Variants in MYO16 observed in about 807,000 individuals in gnomAD.
MYO16 encodes myosin XVI.
MYO16 carries 94 observed loss-of-function variants against 205.3 expected under a neutral mutation model. The observed-to-expected ratio is 0.46, with a 90% CI of 0.39 to 0.54. MYO16 has a LOEUF of 0.54. MYO16 is among the 20% of genes least tolerant of loss of function. The pLI, the probability that MYO16 is intolerant of heterozygous loss-of-function variation, is 0.00. For synonymous variants in MYO16, 988 were observed against 954.0 expected, an observed-to-expected ratio of 1.04 and a Z score of -0.66; for missense variants, 2,315 against 2,387.5, an observed-to-expected ratio of 0.97 and a Z score of 0.63.
intron 4 of MYO16, among the ~76,000 whole-genome samples, chr13:108,736,864 G>T (rs549271440): frequency 2.0e-5 from 3 of 152,308 alleles, no homozygotes; most frequent in East Asian, 1.9e-4. Context: ...CACATCCCTT[G>T]TAAGTTGGAT....
At chr13:108,585,217 T>G in the MYO16 span, among the ~76,000 whole-genome samples, 2 of 152,192 alleles carry the variant, frequency 1.3e-5, no homozygotes, top group South Asian at 4.1e-4. Flanking sequence ...CCAAGGTGGC[T>G]GGGGTACAGC....
At chr13:108,720,235 A>G (rs1375256654) in intron 3 of MYO16, among the ~76,000 whole-genome samples, 3 of 152,232 alleles carry the variant, frequency 2.0e-5, no homozygotes, top group Non-Finnish European at 2.9e-5. Flanking sequence ...ATGGTGGCAG[A>G]GAAGTGGACG....
intron 5 of MYO16, among the ~76,000 whole-genome samples, chr13:108,786,721 G>A (rs1566328331): frequency 1.3e-5 from 2 of 152,188 alleles, no homozygotes; most frequent in Non-Finnish European, 2.9e-5. Context: ...TGAAAGCAAG[G>A]TAGGTGTGGT....
the MYO16 span, among the ~76,000 whole-genome samples, chr13:108,534,152 T>C: frequency 6.6e-6 from 1 of 152,222 alleles, no homozygotes; most frequent in Admixed American, 6.5e-5. Flanking sequence ...TAATTGTACT[T>C]GTGTCTAAAA....
intron 8 of MYO16, among the ~76,000 whole-genome samples, chr13:108,822,105 C>A (rs552514069): frequency 1.3e-5 from 2 of 151,932 alleles, no homozygotes; most frequent in Admixed American, 1.3e-4. Flanking sequence ...TATAACTGAG[C>A]AAATGAAAGT....
chr13:108,840,681 G>A (rs530166178), intron 9 of MYO16, among the ~76,000 whole-genome samples: 1 of 152,218 alleles, frequency 6.6e-6, no homozygotes, highest in South Asian at 2.1e-4. Context: ...GGGACTACAG[G>A]CATGCACCAC....
rs542938282 is a variant in MYO16 at position 108,931,399 on chromosome 13, TCTC to T, written c.1925+21260_1925+21262del. On this transcript the variant is annotated intron_variant, in intron 16 of 34. Coordinates refer to ENST00000457511, the MANE Select transcript of MYO16 (RefSeq NM_001198950.3). ...GGTATACTCTTTCTTTTGCTTGGAT[TCTC>T]CTCCTCCTCCAAGAAAACATTCTCA... Among the ~76,000 whole-genome samples the T allele has an allele frequency of 1.2e-4, 19 of 152,294 alleles. No homozygotes were observed. The South Asian group carries it at 3.3e-3, about 27-fold the overall frequency.
chr13:108,550,088 C>T, the MYO16 span, among the ~76,000 whole-genome samples: 1 of 152,232 alleles, frequency 6.6e-6, no homozygotes, highest in East Asian at 1.9e-4. Context: ...GACCCGTGGC[C>T]TGGATTGCAG....
intron 5 of MYO16, among the ~76,000 whole-genome samples, chr13:108,790,583 G>C (rs1398625150): frequency 6.6e-6 from 1 of 152,064 alleles, no homozygotes; most frequent in Non-Finnish European, 1.5e-5. Flanking sequence ...TATCCATCTT[G>C]GTTGGTTTTA....
the MYO16 span, among the ~76,000 whole-genome samples, chr13:108,590,281 G>T: frequency 6.6e-6 from 1 of 152,156 alleles, no homozygotes; most frequent in Non-Finnish European, 1.5e-5. Flanking sequence ...CTCAAACCTT[G>T]GTATGCACTA....
At chr13:108,624,781 C>CTGTGTGTGTG (rs767842855), upstream of MYO16, among the ~76,000 whole-genome samples, 228 of 121,640 alleles carry the variant, frequency 1.9e-3, no homozygotes, top group Middle Eastern at 9.7e-3. Flanking sequence ...CCCATATAGC[C>CTGTGTGTGTG]TGAGTGTGTG....
chr13:109,039,250 C>T (rs1262252218), intron 23 of MYO16, among the ~76,000 whole-genome samples: 1 of 152,186 alleles, frequency 6.6e-6, no homozygotes, highest in Non-Finnish European at 1.5e-5. Flanking sequence ...GAAAGTGATG[C>T]TGGAAACTTC....
In MYO16 at chr13:109,176,577, TAAAAAA is replaced by T. The variant is rs36054088; in HGVS notation, c.5324-2946_5324-2941del. 8.0e-4 allele frequency among the ~76,000 whole-genome samples: 36 copies of T among 44,950 alleles called. 1 individual carries two copies. In the South Asian group the frequency reaches 9.7e-3, roughly 12 times the overall value. 29.5% of individuals were successfully genotyped at this position (44,950 alleles called of 152,430 possible). ...GCAGCTAAATAAAATATTGTGCTGG[TAAAAAA>T]AAAAAAAAAAAAAAAAAAGACCTCC... On this transcript the variant is annotated intron_variant, in intron 33 of 34. Coordinates refer to ENST00000457511, the MANE Select transcript of MYO16 (RefSeq NM_001198950.3).
intron 20 of MYO16, among the ~76,000 whole-genome samples, chr13:108,984,319 C>T (rs961868745): frequency 9.2e-5 from 14 of 152,138 alleles, no homozygotes; most frequent in African/African-American, 3.1e-4. Context: ...TAGCTTGCCT[C>T]TCCCAGTGCA....
chr13:108,922,065 C>T (rs144520812), intron 16 of MYO16, among the ~76,000 whole-genome samples: 13 of 152,328 alleles, frequency 8.5e-5, no homozygotes, highest in Non-Finnish European at 1.8e-4. Flanking sequence ...TTGCTCCTAG[C>T]GTACGTCTCT....
At chr13:108,621,775 CAAG>C (rs1339840170) in intron 1 of MYO16, among the ~76,000 whole-genome samples, 3 of 152,094 alleles carry the variant, frequency 2.0e-5, no homozygotes, top group East Asian at 3.9e-4. Flanking sequence ...CACATCATCA[CAAG>C]AAGAAGAGTG....
chr13:109,078,697 A>G (rs751573808), intron 27 of MYO16, among the ~76,000 whole-genome samples: 18 of 152,180 alleles, frequency 1.2e-4, no homozygotes, highest in Non-Finnish European at 1.9e-4. Context: ...AGTCCCTTGG[A>G]AACAGTTTAT....
chr13:108,861,868 G>A (rs985172632), intron 11 of MYO16, among the ~76,000 whole-genome samples: 1 of 151,342 alleles, frequency 6.6e-6, no homozygotes, highest in Middle Eastern at 3.2e-3. Context: ...CATACATATT[G>A]CATTTTCTTC....
chr13:108,925,410 T>G (rs865914751), intron 16 of MYO16, among the ~76,000 whole-genome samples: 27 of 152,188 alleles, frequency 1.8e-4, no homozygotes, highest in African/African-American at 6.3e-4. Context: ...AGAGGTAGTA[T>G]GGATGGTCTT....
Sources: allele counts gnomAD v4.1 joint callset (sites outside exome capture counted in the v4.1 genomes callset), GRCh38; gene constraint gnomAD v4.1.1; transcripts MANE v1.5; gene names NCBI Gene and HGNC (gene_info 2026-07-23, HGNC 2026-07-21).